OXCT1: variants seen among roughly 807,000 people sequenced by gnomAD.
The protein encoded by OXCT1 is 3-oxoacid CoA-transferase 1, also known as succinyl-CoA:3-ketoacid coenzyme A transferase 1, mitochondrial.
A neutral mutation model predicts 69.6 loss-of-function variants in OXCT1; 27 were observed. That is an observed-to-expected ratio of 0.39 (90% CI 0.29 to 0.54). OXCT1 has a LOEUF of 0.54. Among genes scored for constraint, OXCT1 ranks in the 20% least tolerant of loss-of-function variants. The pLI, the probability that OXCT1 is intolerant of heterozygous loss-of-function variation, is 0.72. For synonymous variants in OXCT1, 202 were observed against 217.8 expected (o/e 0.93, Z 0.64); for missense variants, 437 against 650.2 (o/e 0.67, Z 3.57).
chr5:41,775,293 T>C (rs1477062775), intron 13 of OXCT1, among the ~76,000 whole-genome samples: 2 of 152,162 alleles, frequency 1.3e-5, no homozygotes, highest in Admixed American at 1.3e-4. Flanking sequence ...ACGAACCAGC[T>C]ATAAAGTCAA....
chr5:41,814,825 T>C (rs1220154970), intron 7 of OXCT1, among the ~76,000 whole-genome samples: 4 of 151,796 alleles, frequency 2.6e-5, no homozygotes, highest in Non-Finnish European at 2.9e-5. Flanking sequence ...TGTATACATA[T>C]GTAACTAACC....
At chr5:41,731,830 C>T in intron 16 of OXCT1, 60 bp from the exon 17 acceptor site, 3 of 1,553,840 alleles carry the variant, frequency 1.9e-6, no homozygotes, top group South Asian at 2.4e-5. Context: ...AATCTCTCTC[C>T]TTTTAATTTC....
At chr5:41,743,987 T>G (rs1006882396) in intron 15 of OXCT1, among the ~76,000 whole-genome samples, 1 of 152,120 alleles carries the variant, frequency 6.6e-6, no homozygotes, top group Non-Finnish European at 1.5e-5. Context: ...CCATATGAAC[T>G]TTAAAGTAGT....
chr5:41,808,756 T>A (rs541723151), intron 7 of OXCT1, among the ~76,000 whole-genome samples: 1 of 152,190 alleles, frequency 6.6e-6, no homozygotes, highest in Non-Finnish European at 1.5e-5. Flanking sequence ...TATTTTCTAT[T>A]CGAGGTGGAG....
chr5:41,754,946 C>T (rs762266682), intron 14 of OXCT1, among the ~76,000 whole-genome samples: 46 of 152,158 alleles, frequency 3.0e-4, no homozygotes, highest in Non-Finnish European at 4.9e-4. Context: ...GCCCCTTATA[C>T]ACTGTATCAT....
intron 15 of OXCT1, among the ~76,000 whole-genome samples, chr5:41,742,486 T>A (rs61324827): frequency 1.6e-4 from 24 of 152,262 alleles, no homozygotes; most frequent in Admixed American, 6.5e-5. Flanking sequence ...TATTTTACTT[T>A]ATTTTTTTAT....
intron 14 of OXCT1, among the ~76,000 whole-genome samples, chr5:41,761,296 A>G (rs1287624142): frequency 6.6e-6 from 1 of 152,122 alleles, no homozygotes; most frequent in African/African-American, 2.4e-5. Context: ...GAGTTCTACT[A>G]GTTCTAACAG....
intron 14 of OXCT1, among the ~76,000 whole-genome samples, chr5:41,754,295 C>T (rs1334679746): frequency 6.6e-6 from 1 of 152,054 alleles, no homozygotes; most frequent in African/African-American, 2.4e-5. Flanking sequence ...CTTGCTCTTT[C>T]CTTCTCCCAC....
chr5:41,795,057 AT>A (rs988827656), intron 11 of OXCT1, among the ~76,000 whole-genome samples: 2 of 152,054 alleles, frequency 1.3e-5, no homozygotes, highest in African/African-American at 4.8e-5. Flanking sequence ...ATGGAAGACA[AT>A]TTTTCCACAG....
At chr5:41,850,798 T>C (rs1749140476) in intron 4 of OXCT1, among the ~76,000 whole-genome samples, 1 of 152,210 alleles carries the variant, frequency 6.6e-6, no homozygotes, top group Non-Finnish European at 1.5e-5. Flanking sequence ...CTTTTGATCA[T>C]CATCTTTCCG....
intron 5 of OXCT1, among the ~76,000 whole-genome samples, chr5:41,846,030 A>C (rs1748885093): frequency 6.6e-6 from 1 of 152,116 alleles, no homozygotes; most frequent in Admixed American, 6.5e-5. Flanking sequence ...ATTAATATTC[A>C]GTTTAAATCC....
intron 3 of OXCT1, 61 bp downstream of exon 3, chr5:41,861,253 T>G: frequency 9.6e-7 from 1 of 1,040,546 alleles, no homozygotes; most frequent in Non-Finnish European, 1.5e-6. Context: ...TGATAAACTC[T>G]GTTTAAATAT....
chr5:41,747,238 T>C (rs1579648794), intron 15 of OXCT1, among the ~76,000 whole-genome samples: 1 of 152,056 alleles, frequency 6.6e-6, no homozygotes, highest in African/African-American at 2.4e-5. Flanking sequence ...GCCATGCCCT[T>C]GCTCCAACCA....
At chr5:41,781,017 C>T (rs1486641346) in intron 13 of OXCT1, among the ~76,000 whole-genome samples, 1 of 152,054 alleles carries the variant, frequency 6.6e-6, no homozygotes, top group African/African-American at 2.4e-5. Flanking sequence ...CATTCTCCTG[C>T]CTCAGCCTCC....
chr5:41,766,099 T>A (rs1744584322), intron 13 of OXCT1, among the ~76,000 whole-genome samples: 1 of 152,100 alleles, frequency 6.6e-6, no homozygotes, highest in African/African-American at 2.4e-5. Flanking sequence ...TCAGCAAACA[T>A]ACATTTCTTA....
intron 13 of OXCT1, among the ~76,000 whole-genome samples, chr5:41,784,507 T>G (rs1437506709): frequency 2.0e-5 from 3 of 152,216 alleles, no homozygotes; most frequent in East Asian, 3.8e-4. Flanking sequence ...ATACAGATTT[T>G]TATGTATTTT....
At chr5:41,843,635 A>T (rs1748752850) in intron 5 of OXCT1, 1 of 455,684 alleles carries the variant, frequency 2.2e-6, no homozygotes, top group Non-Finnish European at 4.4e-6. Flanking sequence ...ATCCATTGCC[A>T]CACTCCATCA....
At chr5:41,784,088 T>G (rs934411226) in intron 13 of OXCT1, among the ~76,000 whole-genome samples, 2 of 152,242 alleles carry the variant, frequency 1.3e-5, no homozygotes, top group East Asian at 3.8e-4. Context: ...TTAAAAATTA[T>G]CTTCAGTATT....
chr5:41,748,383 C>T (rs1743610645), intron 15 of OXCT1, among the ~76,000 whole-genome samples: 1 of 152,000 alleles, frequency 6.6e-6, no homozygotes, highest in African/African-American at 2.4e-5. Context: ...CTGGAATTAT[C>T]TTTAGAAGGA....
Sources: gnomAD v4.1 joint callset for allele counts (sites outside exome capture counted in the v4.1 genomes callset) on GRCh38, gnomAD v4.1.1 for gene constraint, MANE v1.5 for transcripts, NCBI Gene and HGNC (gene_info 2026-07-23, HGNC 2026-07-21) for gene names.